TMEM108: variants seen among roughly 807,000 people sequenced by gnomAD.
TMEM108 encodes the protein transmembrane protein 108, also known as cancer/testis antigen 124.
A neutral mutation model predicts 35.1 loss-of-function variants in TMEM108; 12 were observed. That is an observed-to-expected ratio of 0.34 (90% CI 0.22 to 0.55). The LOEUF (loss-of-function observed/expected upper bound fraction) is 0.55. TMEM108 is among the 20% of genes least tolerant of loss of function. The probability of loss-of-function intolerance (pLI) is 0.89; values close to 1 mark genes in which losing one functional copy is unlikely to be tolerated. For synonymous variants in TMEM108, 287 were observed against 308.6 expected (o/e 0.93, Z 0.73); for missense variants, 680 against 753.3 (o/e 0.90, Z 1.14).
intron 2 of TMEM108, among the ~76,000 whole-genome samples, chr3:133,100,425 C>T (rs560558107): frequency 9.9e-5 from 15 of 152,206 alleles, no homozygotes; most frequent in African/African-American, 1.7e-4. Flanking sequence ...TATGGTGAAA[C>T]GCTGTCTCTA....
At chr3:133,213,267 G>A (rs971014917) in intron 2 of TMEM108, among the ~76,000 whole-genome samples, 9 of 152,182 alleles carry the variant, frequency 5.9e-5, no homozygotes, top group African/African-American at 1.9e-4. Flanking sequence ...CACATGGTAG[G>A]TGTTTTAGTA....
chr3:133,177,103 A>G (rs1945243884), intron 2 of TMEM108, among the ~76,000 whole-genome samples: 1 of 152,236 alleles, frequency 6.6e-6, no homozygotes, highest in Admixed American at 6.5e-5. Flanking sequence ...ACACCCTCCC[A>G]AGACTAAACC....
At chr3:133,355,071 G>A (rs908274821) in intron 3 of TMEM108, among the ~76,000 whole-genome samples, 1 of 152,164 alleles carries the variant, frequency 6.6e-6, no homozygotes, top group African/African-American at 2.4e-5. Flanking sequence ...GAATTCCATA[G>A]TGAGACCTAT....
intron 3 of TMEM108, among the ~76,000 whole-genome samples, chr3:133,284,514 A>G (rs1301150602): frequency 6.6e-6 from 1 of 152,172 alleles, no homozygotes; most frequent in African/African-American, 2.4e-5. Context: ...CACCTTCACT[A>G]CACAATGGCT....
intron 2 of TMEM108, among the ~76,000 whole-genome samples, chr3:133,100,042 C>G (rs1022131405): frequency 6.6e-6 from 1 of 152,102 alleles, no homozygotes; most frequent in African/African-American, 2.4e-5. Context: ...AAACTGGGAA[C>G]AAAGAGACGT....
At chr3:133,278,536 G>A (rs768844096) in intron 3 of TMEM108, among the ~76,000 whole-genome samples, 17 of 152,172 alleles carry the variant, frequency 1.1e-4, no homozygotes, top group African/African-American at 3.4e-4. Context: ...ACACACCTAC[G>A]CTCTATGGAA....
intron 3 of TMEM108, among the ~76,000 whole-genome samples, chr3:133,244,614 C>A (rs1020772390): frequency 6.6e-6 from 1 of 152,134 alleles, no homozygotes; most frequent in Non-Finnish European, 1.5e-5. Context: ...TTTATTCTTT[C>A]CCTGGAGATG....
intron 2 of TMEM108, among the ~76,000 whole-genome samples, chr3:133,116,906 A>G (rs1944294752): frequency 6.6e-6 from 1 of 152,114 alleles, no homozygotes; most frequent in Non-Finnish European, 1.5e-5. Context: ...AGTAGCTGAG[A>G]CTACGGGCGT....
At chr3:133,065,188 A>ATT (rs35487289) in intron 2 of TMEM108, among the ~76,000 whole-genome samples, 6 of 151,952 alleles carry the variant, frequency 3.9e-5, no homozygotes, top group Admixed American at 2.0e-4. Flanking sequence ...TTGTCACTGC[A>ATT]TTTTTTTTAG....
At chr3:133,288,132 A>G (rs1947011078) in intron 3 of TMEM108, among the ~76,000 whole-genome samples, 1 of 152,218 alleles carries the variant, frequency 6.6e-6, no homozygotes, top group Non-Finnish European at 1.5e-5. Flanking sequence ...TCATGCCTGA[A>G]CAACTAGATA....
chr3:133,377,132 C>T (rs1262251767), intron 3 of TMEM108, among the ~76,000 whole-genome samples: 1 of 152,178 alleles, frequency 6.6e-6, no homozygotes, highest in Non-Finnish European at 1.5e-5. Context: ...CTTTTGGCCT[C>T]ATTTTACTTT....
rs77537565 is a variant in TMEM108 at position 133,076,765 on chromosome 3, G to A, written c.-47+30745G>A. 5.8e-3 allele frequency among the ~76,000 whole-genome samples: 884 copies of A among 152,336 alleles called. 8 individuals are homozygous for A. The highest frequency in any genetic ancestry group is 8.8e-3 in the Non-Finnish European group (596 of 68,036). On this transcript the variant is annotated intron_variant, in intron 2 of 5. Coordinates refer to ENST00000321871, the MANE Select transcript of TMEM108 (RefSeq NM_023943.4). Reference sequence around the variant, plus strand: ...CTGGGTTGAGATGTAGGAAGGCTTTGGCAATGGGCAGCAGTCTTTCTTAGC... The same window carrying A: ...CTGGGTTGAGATGTAGGAAGGCTTTAGCAATGGGCAGCAGTCTTTCTTAGC...
chr3:133,311,022 C>G (rs2071121545), intron 3 of TMEM108, among the ~76,000 whole-genome samples: 1 of 152,176 alleles, frequency 6.6e-6, no homozygotes. Flanking sequence ...GTTGAAAATT[C>G]TTTTCTGTAA....
chr3:133,098,943 G>T (rs191660771), intron 2 of TMEM108, among the ~76,000 whole-genome samples: 1 of 152,262 alleles, frequency 6.6e-6, no homozygotes, highest in African/African-American at 2.4e-5. Context: ...CTGGAGGATG[G>T]TGGCCCTCTT....
intron 2 of TMEM108, among the ~76,000 whole-genome samples, chr3:133,071,082 AC>A (rs1363464686): frequency 2.0e-5 from 3 of 152,058 alleles, no homozygotes; most frequent in Non-Finnish European, 4.4e-5. Flanking sequence ...GTAGGAATTC[AC>A]TTTTTTGTTT....
chr3:133,374,878 T>C (rs529507621), intron 3 of TMEM108, among the ~76,000 whole-genome samples: 1 of 152,328 alleles, frequency 6.6e-6, no homozygotes, highest in African/African-American at 2.4e-5. Context: ...TGCTTTTGAA[T>C]GGCAGAGCCC....
intron 2 of TMEM108, among the ~76,000 whole-genome samples, chr3:133,141,856 T>C (rs1944646162): frequency 6.6e-6 from 1 of 152,178 alleles, no homozygotes; most frequent in South Asian, 2.1e-4. Flanking sequence ...CATTAAGACA[T>C]TACAGAAAAA....
chr3:133,187,311 C>T (rs1945434750), intron 2 of TMEM108, among the ~76,000 whole-genome samples: 1 of 152,146 alleles, frequency 6.6e-6, no homozygotes, highest in African/African-American at 2.4e-5. Context: ...TCACCATCAC[C>T]CTTCCACTAC....
chr3:133,065,700 G>A (rs1943599002), intron 2 of TMEM108, among the ~76,000 whole-genome samples: 1 of 152,054 alleles, frequency 6.6e-6, no homozygotes, highest in African/African-American at 2.4e-5. Context: ...TGGCATTCTA[G>A]TGGTATGCGC....
Sources: allele counts gnomAD v4.1 joint callset (sites outside exome capture counted in the v4.1 genomes callset), GRCh38; gene constraint gnomAD v4.1.1; transcripts MANE v1.5; gene names NCBI Gene and HGNC (gene_info 2026-07-23, HGNC 2026-07-21).